The following TRIP11 variants were observed in gnomAD, a reference collection of about 807,000 sequenced individuals.
The protein encoded by TRIP11 is thyroid hormone receptor interactor 11, also known as thyroid receptor-interacting protein 11.
Under a neutral mutation model 223.1 loss-of-function variants are expected in TRIP11, and 148 were observed. The observed-to-expected ratio is 0.66, with a 90% CI of 0.58 to 0.76. The LOEUF is 0.76. Among genes scored for constraint, TRIP11 ranks in the 30% least tolerant of loss-of-function variants. The pLI is 0.00. For missense variants in TRIP11, 2,043 were observed against 2,222.0 expected, an observed-to-expected ratio of 0.92 and a Z score of 1.62; for synonymous variants, 762 against 772.6, an observed-to-expected ratio of 0.99 and a Z score of 0.23.
intron 1 of TRIP11, among the ~76,000 whole-genome samples, chr14:92,035,852 G>A (rs1229410127): frequency 6.6e-6 from 1 of 151,932 alleles, no homozygotes. Context: ...GCTCCCAAAG[G>A]GCTGGGATTA....
intron 20 of TRIP11, among the ~76,000 whole-genome samples, chr14:91,970,943 C>A (rs2056394209): frequency 6.6e-6 from 1 of 152,124 alleles, no homozygotes; most frequent in Non-Finnish European, 1.5e-5. Flanking sequence ...ACCCATATTA[C>A]AATGATAACA....
intron 8 of TRIP11, among the ~76,000 whole-genome samples, chr14:92,011,311 GAA>G (rs2056968958): frequency 6.6e-6 from 1 of 151,720 alleles, no homozygotes; most frequent in Admixed American, 6.6e-5. Context: ...CTAACACAGT[GAA>G]ACCCCGTCTC....
intron 5 of TRIP11, among the ~76,000 whole-genome samples, chr14:92,016,252 T>C (rs567647603): frequency 4.8e-4 from 73 of 152,324 alleles, no homozygotes; most frequent in Non-Finnish European, 8.7e-4. Context: ...TCACTCAGCC[T>C]TTCCTTTCAC....
At chr14:91,980,000 G>T (rs1022510406) in intron 16 of TRIP11, among the ~76,000 whole-genome samples, 1 of 151,602 alleles carries the variant, frequency 6.6e-6, no homozygotes, top group Non-Finnish European at 1.5e-5. Flanking sequence ...AAAAGGTGGA[G>T]GGGGGAACTT....
intron 6 of TRIP11, among the ~76,000 whole-genome samples, 155 bp from the exon 7 acceptor site, chr14:92,014,732 TG>T (rs1308331342): frequency 5.3e-5 from 8 of 152,142 alleles, no homozygotes; most frequent in African/African-American, 1.9e-4. Context: ...ATAAATAAGT[TG>T]GGGGAAAATA....
intron 1 of TRIP11, 24 bp downstream of exon 1, chr14:92,039,523 C>T (rs373828254): frequency 1.6e-5 from 25 of 1,612,484 alleles, no homozygotes; most frequent in Non-Finnish European, 2.1e-5. Flanking sequence ...GAAAAGCCCT[C>T]CCTTCCCTCG....
rs1202055433 is a variant in TRIP11, at chr14:91,966,758, T to G, written c.*2915A>C. 9.4e-6 allele frequency: 2 copies of G among 212,222 alleles called. No individual in the cohort carries two copies. Among genetic ancestry groups the G allele is most frequent in the Non-Finnish European group, 1.9e-5 (2 of 104,844 alleles). The allele number at this position is 212,222 out of a possible 1,614,324, so 13.1% of individuals were successfully genotyped here. On this transcript the variant is annotated 3_prime_UTR_variant, in exon 21 of 21. Transcript: ENST00000267622. ...AATTTGATCCAGTATTATGCTAAAA[T>G]TAAATTCAGTAGTTAGATGAATTTT...
At chr14:91,985,348 C>CTG (rs1191622310) in intron 16 of TRIP11, among the ~76,000 whole-genome samples, 1 of 152,168 alleles carries the variant, frequency 6.6e-6, no homozygotes, top group Non-Finnish European at 1.5e-5. Context: ...TGATAAGCAT[C>CTG]TGTCTTCATA....
chr14:92,008,143 G>A (rs1274227977), intron 9 of TRIP11, among the ~76,000 whole-genome samples: 2 of 152,124 alleles, frequency 1.3e-5, no homozygotes, highest in African/African-American at 2.4e-5. Flanking sequence ...GTTCCCATTT[G>A]AGAGCCTCTC....
At chr14:92,003,018 G>GTAAGAA (rs1366795490) in intron 11 of TRIP11, among the ~76,000 whole-genome samples, 1 of 152,132 alleles carries the variant, frequency 6.6e-6, no homozygotes, top group Non-Finnish European at 1.5e-5. Flanking sequence ...TCTTACTGCA[G>GTAAGAA]ATGGTTAAAG....
Position 91,978,750 on chromosome 14 carries a change from T to C in TRIP11, c.5261-2561A>G, listed in dbSNP as rs932287699. Among the ~76,000 whole-genome samples, 2 of 152,162 alleles carry C rather than the reference T, an allele frequency of 1.3e-5. No homozygotes were observed. Among genetic ancestry groups the C allele is most frequent in the East Asian group, 1.9e-4 (1 of 5,192 alleles). ...CTGCGTTCAAGTAATTCTCCTGCCA[T>C]AGCCTTCCAAAATGTTGGGATTACA... On this transcript the variant is annotated intron_variant, in intron 16 of 20. Coordinates refer to ENST00000267622, the MANE Select transcript of TRIP11 (RefSeq NM_004239.4). The surrounding 1 kb of genome is among the most constrained non-coding windows in gnomAD (Gnocchi z 4.4).
intron 2 of TRIP11, among the ~76,000 whole-genome samples, chr14:92,025,996 C>T (rs116327216): frequency 0.017 from 2,656 of 152,208 alleles, 71 homozygotes; most frequent in African/African-American, 0.059. Flanking sequence ...GAAAAGGCCA[C>T]GAATCAATGT....
At position 91,999,227 on chromosome 14, in the gene TRIP11, A is replaced by G. The variant is rs544138377; in HGVS notation, c.4892+13T>C. 6.2e-7 allele frequency: 1 copy of G among 1,611,558 alleles called. No homozygotes were observed. Among genetic ancestry groups the G allele is most frequent in the Admixed American group, 1.7e-5 (1 of 59,998 alleles). ...GTTCAGTTAAAGTTAATGCAAAAAA[A>G]TGAAAAAATTACCTTGCATTTTCCA... On this transcript the variant is annotated intron_variant, in intron 13 of 20. Coordinates refer to ENST00000267622, the MANE Select transcript of TRIP11 (RefSeq NM_004239.4).
chr14:92,001,209 A>G (rs1007626647), intron 11 of TRIP11, among the ~76,000 whole-genome samples: 1 of 152,012 alleles, frequency 6.6e-6, no homozygotes, highest in Non-Finnish European at 1.5e-5. Context: ...TTATGAACCT[A>G]TTTACAGTTT....
intron 15 of TRIP11, among the ~76,000 whole-genome samples, chr14:91,992,060 A>G (rs2056679382): frequency 6.9e-6 from 1 of 145,946 alleles, no homozygotes; most frequent in South Asian, 2.2e-4. Flanking sequence ...CAGCCTGAGC[A>G]AAGAGCGAAA....
Position 91,974,644 on chromosome 14 carries a change from G to C in TRIP11, c.5557C>G (p.Gln1853Glu), listed in dbSNP as rs2056441152. 1.2e-6 allele frequency: 2 copies of C among 1,611,874 alleles called. No individual in the cohort carries two copies. The highest frequency in any genetic ancestry group is 2.2e-5 in the South Asian group (2 of 91,000). ...TTTCTTACACTATTAACCACAGATTGCTGATTTGGTCTCAAAGGTGTGTTG... is the reference window on the plus strand; with the variant it reads ...TTTCTTACACTATTAACCACAGATTCCTGATTTGGTCTCAAAGGTGTGTTG... ...VPNTPLRPNQ[Q>E]SVVNSSFSEL... The change falls in exon 19 of 21, where the codon CAA (glutamine) becomes GAA (glutamate). Residue 1853 changes from glutamine (Q) to glutamate (E), a missense_variant. Physicochemically the swap from Gln to Glu is conservative, Grantham distance 29. Coordinates refer to ENST00000267622, the MANE Select transcript of TRIP11 (RefSeq NM_004239.4).
At chr14:92,022,157 T>G (rs946362547) in intron 3 of TRIP11, among the ~76,000 whole-genome samples, 2 of 152,206 alleles carry the variant, frequency 1.3e-5, no homozygotes, top group Non-Finnish European at 2.9e-5. Flanking sequence ...TAGGGTTCTG[T>G]TTGTGATTAC....
intron 11 of TRIP11, 145 bp from the exon 12 acceptor site, chr14:92,000,253 C>T (rs1226857011): frequency 1.5e-6 from 2 of 1,331,600 alleles, no homozygotes; most frequent in Non-Finnish European, 2.0e-6. Flanking sequence ...CTCAGAGAGA[C>T]TCCTAGTTAA....
Position 92,026,966 on chromosome 14 carries a change from AACGTGGTC to A in TRIP11, c.202-1554_202-1547del, listed in dbSNP as rs1227525682. The A allele has an allele frequency of 5.9e-6, 6 of 1,015,008 alleles. No individual in the cohort carries two copies. In the East Asian group the frequency reaches 1.4e-4, roughly 23 times the overall value. The allele number at this position is 1,015,008 out of a possible 1,614,324, so 62.9% of individuals were successfully genotyped here. On this transcript the variant is annotated intron_variant, in intron 2 of 20. Coordinates refer to ENST00000267622, the MANE Select transcript of TRIP11 (RefSeq NM_004239.4). The stretch of plus-strand genomic sequence containing the variant: ...CCTCCACTTCCCCTCTCAGAATCTA[AACGTGGTC>A]ACCTTCAAGTAGAGAGGCCCGCCCG...
Sources: allele counts gnomAD v4.1 joint callset (sites outside exome capture counted in the v4.1 genomes callset), GRCh38; gene constraint gnomAD v4.1.1; non-coding constraint Gnocchi (gnomAD v3.1); transcripts MANE v1.5; gene names NCBI Gene and HGNC (gene_info 2026-07-23, HGNC 2026-07-21).